Variants in KLHDC4 observed in about 807,000 individuals in gnomAD.
KLHDC4 encodes kelch domain-containing protein 4.
A neutral mutation model predicts 62.4 loss-of-function variants in KLHDC4; 90 were observed. The observed-to-expected ratio is 1.44, with a 90% CI of 1.22 to 1.72. The LOEUF (loss-of-function observed/expected upper bound fraction) is 1.72. Among genes scored for constraint, KLHDC4 ranks in the 40% most tolerant of loss-of-function variants. KLHDC4 has a pLI of 0.00. For synonymous variants in KLHDC4, 386 were observed against 284.4 expected (o/e 1.36, Z -3.59); for missense variants, 1,025 against 699.7 (o/e 1.47, Z -5.25).
intron 5 of KLHDC4, among the ~76,000 whole-genome samples, chr16:87,731,309 T>C (rs1225166308): frequency 6.6e-6 from 1 of 151,826 alleles, no homozygotes; most frequent in Non-Finnish European, 1.5e-5. Context: ...AAACCTCAAG[T>C]GATCTGCCTG....
chr16:87,765,426 T>G (rs1164899667), intron 1 of KLHDC4: 3 of 492,328 alleles, frequency 6.1e-6, no homozygotes. Flanking sequence ...CGGCTCAACC[T>G]CAGGTCTTCC....
intron 7 of KLHDC4, among the ~76,000 whole-genome samples, chr16:87,723,374 G>A (rs533320116): frequency 2.2e-4 from 34 of 152,264 alleles, no homozygotes; most frequent in Non-Finnish European, 4.1e-4. Flanking sequence ...GAGGGCGGGT[G>A]CACGTGGCTG....
intron 7 of KLHDC4, among the ~76,000 whole-genome samples, chr16:87,720,997 G>A (rs1172297646): frequency 2.6e-5 from 4 of 152,172 alleles, no homozygotes; most frequent in Non-Finnish European, 5.9e-5. Flanking sequence ...CTGAAGCTGG[G>A]CCCCAGGGCA....
chr16:87,706,145 G>A (rs1386050532), downstream of KLHDC4, among the ~76,000 whole-genome samples: 3 of 146,616 alleles, frequency 2.0e-5, no homozygotes, highest in African/African-American at 7.6e-5. Context: ...GCCCTCGCGG[G>A]GGGGTCAGCG....
At chr16:87,706,487 C>T (rs962062288), downstream of KLHDC4, among the ~76,000 whole-genome samples, 5 of 152,078 alleles carry the variant, frequency 3.3e-5, no homozygotes, top group African/African-American at 4.8e-5. Flanking sequence ...TCGAGGGGGG[C>T]GGCACCTGCA....
Position 87,714,542 on chromosome 16 carries a change from C to T in KLHDC4, c.791G>A (p.Arg264Gln), listed in dbSNP as rs767452405. ...RVKKDVDKGTRHSDMFLLKPE... is the reference protein window; with the variant it reads ...RVKKDVDKGTQHSDMFLLKPE... ...CTTCAGCAGGAACATGTCTGAGTGC[C>T]GTGTGCCCTTGTCCACGTCTTTCTT... The change falls in exon 8 of 12, where the codon CGG (arginine) becomes CAG (glutamine). Residue 264 changes from arginine to glutamine, a missense_variant. Transcript: ENST00000270583. 10 of 1,614,040 alleles carry T rather than the reference C, an allele frequency of 6.2e-6. No homozygotes were observed. The highest frequency in any genetic ancestry group is 3.3e-5 in the Admixed American group (2 of 60,004).
downstream of KLHDC4, among the ~76,000 whole-genome samples, chr16:87,707,152 G>A (rs747550695): frequency 2.6e-5 from 4 of 152,228 alleles, no homozygotes; most frequent in Admixed American, 1.3e-4. Context: ...ATGCAAATCC[G>A]AATTGGCCTT....
chr16:87,765,879 CT>C lies in KLHDC4; in HGVS notation c.11del (p.Lys4ArgfsTer37). The C allele has an allele frequency of 6.4e-7, 1 of 1,551,712 alleles. No homozygotes were observed. Among genetic ancestry groups the C allele is most frequent in the Non-Finnish European group, 8.7e-7 (1 of 1,147,028 alleles). The part of the protein sequence containing the change: MGK[K>X]GKKEKKGRGA... ...CGCGGCCCTTCTTCTCCTTCTTGCC[CT>C]TCTTGCCCATCTTGCCGGGTCCCAA... On this transcript the variant is annotated frameshift_variant, in exon 1 of 12. Transcript: ENST00000270583. LOFTEE classifies it high-confidence loss of function.
At chr16:87,743,285 G>A (rs1002367617) in intron 5 of KLHDC4, among the ~76,000 whole-genome samples, 1 of 152,018 alleles carries the variant, frequency 6.6e-6, no homozygotes, top group South Asian at 2.1e-4. Flanking sequence ...TTTAGAGATG[G>A]GGTCTTACTA....
At chr16:87,727,598 G>C (rs919110622) in intron 6 of KLHDC4, among the ~76,000 whole-genome samples, 1 of 152,212 alleles carries the variant, frequency 6.6e-6, no homozygotes, top group African/African-American at 2.4e-5. Context: ...CCAGCACGCA[G>C]ACTGGGCTGA....
At chr16:87,721,592 G>C (rs1879653462) in intron 7 of KLHDC4, among the ~76,000 whole-genome samples, 1 of 152,112 alleles carries the variant, frequency 6.6e-6, no homozygotes, top group African/African-American at 2.4e-5. Flanking sequence ...GGCCAGGTGA[G>C]CACGGAGCTC....
chr16:87,709,897 C>G (rs1464144845), intron 9 of KLHDC4: 3 of 560,046 alleles, frequency 5.4e-6, no homozygotes, highest in Non-Finnish European at 9.2e-6. Flanking sequence ...GGGCAGAAAA[C>G]CCCCCACTGC....
Position 87,712,456 on chromosome 16 carries a change from G to A in KLHDC4, c.836-1013C>T, listed in dbSNP as rs577820346. Among the ~76,000 whole-genome samples the A allele has an allele frequency of 4.6e-5, 7 of 152,340 alleles. No homozygotes were observed. The East Asian group carries it at 9.7e-4, about 21-fold the overall frequency. On this transcript the variant is annotated intron_variant, in intron 8 of 11. Transcript: ENST00000270583. Reference sequence around the variant, plus strand: ...CGCCACACAGGGCAGGACCCTCTCCGGTGACAGAAACCCACACACACAAGG... The same window carrying A: ...CGCCACACAGGGCAGGACCCTCTCCAGTGACAGAAACCCACACACACAAGG...
intron 5 of KLHDC4, among the ~76,000 whole-genome samples, chr16:87,744,849 G>GCA (rs10652675): frequency 0.24 from 36,348 of 152,104 alleles, 4,709 homozygotes; most frequent in South Asian, 0.46. Flanking sequence ...CACTGCGTCA[G>GCA]CACACACTTG....
intron 2 of KLHDC4, 45 bp from the exon 3 acceptor site, chr16:87,756,522 C>A: frequency 7.2e-7 from 1 of 1,395,328 alleles, no homozygotes; most frequent in Non-Finnish European, 1.0e-6. Flanking sequence ...ACCCCCGATA[C>A]CCACCTGAGC....
At chr16:87,731,333 A>G (rs893001855) in intron 5 of KLHDC4, among the ~76,000 whole-genome samples, 4 of 151,996 alleles carry the variant, frequency 2.6e-5, no homozygotes, top group Non-Finnish European at 4.4e-5. Flanking sequence ...CAGACTCCCA[A>G]AGTGCTGAGA....
chr16:87,740,313 G>A (rs1361528636), intron 5 of KLHDC4, among the ~76,000 whole-genome samples: 1 of 152,152 alleles, frequency 6.6e-6, no homozygotes, highest in Admixed American at 6.5e-5. Flanking sequence ...GGGGACCACC[G>A]GCTCCGCTCT....
At chr16:87,762,192 T>C in intron 1 of KLHDC4, 152 bp from the exon 2 acceptor site, 1 of 1,438,126 alleles carries the variant, frequency 7.0e-7, no homozygotes, top group Non-Finnish European at 9.1e-7. Flanking sequence ...AATGCAGAGT[T>C]TGACACATTC....
intron 9 of KLHDC4, 75 bp downstream of exon 9, chr16:87,711,160 G>A: frequency 1.3e-6 from 2 of 1,509,678 alleles, no homozygotes; most frequent in East Asian, 2.3e-5. Flanking sequence ...AAAAGGTGCT[G>A]GAGGAAGGCA....
Sources: gnomAD v4.1 joint callset for allele counts (sites outside exome capture counted in the v4.1 genomes callset) on GRCh38, gnomAD v4.1.1 for gene constraint, MANE v1.5 for transcripts, NCBI Gene and HGNC (gene_info 2026-07-23, HGNC 2026-07-21) for gene names.